KCNMB2: variants seen among roughly 807,000 people sequenced by gnomAD.
KCNMB2 encodes the protein potassium calcium-activated channel subfamily M regulatory beta subunit 2.
A neutral mutation model predicts 24.5 loss-of-function variants in KCNMB2; 9 were observed. That is an observed-to-expected ratio of 0.37 (90% CI 0.22 to 0.64). KCNMB2 has a LOEUF of 0.64. Ranked by LOEUF, KCNMB2 falls within the 30% of genes least tolerant of loss-of-function variation. The probability of loss-of-function intolerance (pLI) is 0.63; values close to 1 mark genes in which losing one functional copy is unlikely to be tolerated. For missense variants in KCNMB2, 226 were observed against 284.3 expected, an observed-to-expected ratio of 0.79 and a Z score of 1.47; for synonymous variants, 109 against 104.4, an observed-to-expected ratio of 1.04 and a Z score of -0.27.
chr3:178,581,472 C>T (rs1210760452), intron 1 of KCNMB2, among the ~76,000 whole-genome samples: 1 of 152,172 alleles, frequency 6.6e-6, no homozygotes, highest in African/African-American at 2.4e-5. Flanking sequence ...GTCTTCGTGA[C>T]TAAAACACCA....
At chr3:178,705,114 C>T (rs917769528) in intron 1 of KCNMB2, among the ~76,000 whole-genome samples, 1 of 152,054 alleles carries the variant, frequency 6.6e-6, no homozygotes, top group African/African-American at 2.4e-5. Flanking sequence ...TGCTCCCAAC[C>T]CCAATCCTCA....
intron 1 of KCNMB2, among the ~76,000 whole-genome samples, chr3:178,756,720 C>A (rs894617935): frequency 6.6e-6 from 1 of 152,090 alleles, no homozygotes; most frequent in African/African-American, 2.4e-5. Context: ...TTAGCACTTT[C>A]CAGAGCAACC....
chr3:178,598,195 G>A (rs142090006), intron 1 of KCNMB2, among the ~76,000 whole-genome samples: 99 of 152,160 alleles, frequency 6.5e-4, no homozygotes, highest in African/African-American at 2.1e-3. Flanking sequence ...TCTAAACTGG[G>A]GAGTAGTTCC....
At chr3:178,743,511 C>T (rs562643976) in intron 1 of KCNMB2, among the ~76,000 whole-genome samples, 1 of 152,304 alleles carries the variant, frequency 6.6e-6, no homozygotes, top group East Asian at 1.9e-4. Context: ...AGTGGCCTGA[C>T]TCCCCAGGCT....
chr3:178,807,259 T>C (rs1373298382), intron 1 of KCNMB2, 84 bp from the exon 2 acceptor site: 22 of 565,640 alleles, frequency 3.9e-5, no homozygotes, highest in Non-Finnish European at 6.2e-5. Context: ...ACTGCCCCTA[T>C]GGAATCAAAA....
chr3:178,664,667 C>T (rs974642446), intron 1 of KCNMB2, among the ~76,000 whole-genome samples: 5 of 151,574 alleles, frequency 3.3e-5, no homozygotes, highest in East Asian at 3.9e-4. Flanking sequence ...ATAAATCTCC[C>T]ACAGTTAAAA....
intron 3 of KCNMB2, 53 bp downstream of exon 3, chr3:178,825,811 C>G: frequency 6.8e-7 from 1 of 1,463,804 alleles, no homozygotes; most frequent in Non-Finnish European, 9.4e-7. Flanking sequence ...CTCCATCCTC[C>G]CCCATCACTT....
intron 1 of KCNMB2, among the ~76,000 whole-genome samples, chr3:178,598,759 T>C (rs1223390676): frequency 6.6e-6 from 1 of 151,874 alleles, no homozygotes; most frequent in Non-Finnish European, 1.5e-5. Flanking sequence ...TGTGGGGCCA[T>C]GTTGAAGTTA....
intron 1 of KCNMB2, among the ~76,000 whole-genome samples, chr3:178,659,405 C>T (rs1422349354): frequency 6.6e-6 from 1 of 152,126 alleles, no homozygotes; most frequent in African/African-American, 2.4e-5. Context: ...TTCTTTAAAA[C>T]CATAATTTTA....
intron 1 of KCNMB2, among the ~76,000 whole-genome samples, chr3:178,649,604 G>A (rs7641251): frequency 0.52 from 78,686 of 151,836 alleles, 21,084 homozygotes; most frequent in African/African-American, 0.67. Flanking sequence ...TTGGGAGGGT[G>A]TATGTGTCCA....
intron 1 of KCNMB2, among the ~76,000 whole-genome samples, chr3:178,611,441 A>T (rs1718479752): frequency 6.6e-6 from 1 of 152,178 alleles, no homozygotes; most frequent in Non-Finnish European, 1.5e-5. Flanking sequence ...GCAGTGGCTC[A>T]CGCCTGTAAT....
intron 1 of KCNMB2, among the ~76,000 whole-genome samples, chr3:178,692,490 T>C (rs934201389): frequency 6.6e-6 from 1 of 152,264 alleles, no homozygotes; most frequent in Non-Finnish European, 1.5e-5. Flanking sequence ...GCACCATTTA[T>C]TGAACAGGGA....
Position 178,549,474 on chromosome 3 carries a change from C to CTTT in KCNMB2, c.-68+12785_-68+12787dup, listed in dbSNP as rs1237618463. ...TACAGGCACACACCACAATGCCCAG[C>CTTT]TTTTTTTTTTTTTTTTTTTTTTTTG... On this transcript the variant is annotated intron_variant, in intron 1 of 4. Transcript: ENST00000452583. Among the ~76,000 whole-genome samples, 85 of 94,594 alleles carry CTTT rather than the reference C, an allele frequency of 9.0e-4. 1 individual carries two copies. Among genetic ancestry groups the CTTT allele is most frequent in the African/African-American group, 2.9e-3 (67 of 22,804 alleles). 62.1% of individuals were successfully genotyped at this position (94,594 alleles called of 152,430 possible).
intron 1 of KCNMB2, among the ~76,000 whole-genome samples, chr3:178,613,455 G>C (rs1192632614): frequency 6.6e-6 from 1 of 152,122 alleles, no homozygotes; most frequent in Non-Finnish European, 1.5e-5. Context: ...AGTATTTATT[G>C]CTCATTAATA....
chr3:178,640,413 C>A (rs924525455), intron 1 of KCNMB2, among the ~76,000 whole-genome samples: 3 of 152,070 alleles, frequency 2.0e-5, no homozygotes, highest in Admixed American at 6.6e-5. Context: ...TTTTAAACAA[C>A]CAGATCTTGT....
At chr3:178,639,500 A>T (rs1719645882) in intron 1 of KCNMB2, among the ~76,000 whole-genome samples, 1 of 152,192 alleles carries the variant, frequency 6.6e-6, no homozygotes, top group South Asian at 2.1e-4. Context: ...CCTCTCTGAG[A>T]CTCATTTCAT....
chr3:178,813,252 A>G (rs145942801), intron 2 of KCNMB2, among the ~76,000 whole-genome samples: 23 of 152,298 alleles, frequency 1.5e-4, no homozygotes, highest in African/African-American at 5.1e-4. Context: ...TGTTTTAAAT[A>G]TTGAGTCTCC....
At chr3:178,789,365 G>A (rs1252365918) in intron 1 of KCNMB2, among the ~76,000 whole-genome samples, 1 of 152,114 alleles carries the variant, frequency 6.6e-6, no homozygotes, top group Non-Finnish European at 1.5e-5. Context: ...GAACCCTCCA[G>A]CAATCACCAC....
chr3:178,803,002 T>A (rs1226017076), intron 1 of KCNMB2, among the ~76,000 whole-genome samples: 1 of 152,218 alleles, frequency 6.6e-6, no homozygotes, highest in Non-Finnish European at 1.5e-5. Flanking sequence ...GAGTAAACTA[T>A]TGGTTAGTGT....
Sources: gnomAD v4.1 joint callset for allele counts (sites outside exome capture counted in the v4.1 genomes callset) on GRCh38, gnomAD v4.1.1 for gene constraint, MANE v1.5 for transcripts, NCBI Gene and HGNC (gene_info 2026-07-23, HGNC 2026-07-21) for gene names.